The following MET variants were observed in gnomAD, a reference collection of about 807,000 sequenced individuals.
MET encodes MET proto-oncogene, receptor tyrosine kinase.
In MET, 48 loss-of-function variants were observed where a neutral mutation model predicts 133.1. The observed-to-expected ratio is 0.36, with a 90% CI of 0.29 to 0.46. MET has a LOEUF of 0.46. Among genes scored for constraint, MET ranks in the 20% least tolerant of loss-of-function variants. The pLI is 1.00. For synonymous variants in MET, 628 were observed against 616.5 expected (o/e 1.02, Z -0.28); for missense variants, 1,442 against 1,695.9 (o/e 0.85, Z 2.63).
intron 2 of MET, among the ~76,000 whole-genome samples, chr7:116,728,797 A>G (rs543863288): frequency 6.6e-6 from 1 of 152,216 alleles, no homozygotes. Flanking sequence ...TTTGTGGTCA[A>G]AGACTCTCAT....
At chr7:116,684,534 A>G (rs147797443) in intron 1 of MET, among the ~76,000 whole-genome samples, 19 of 152,324 alleles carry the variant, frequency 1.2e-4, no homozygotes, top group African/African-American at 4.3e-4. Context: ...AAGGTAAGAG[A>G]TGCATCAGAG....
intron 10 of MET, among the ~76,000 whole-genome samples, chr7:116,761,182 G>A (rs1035269753): frequency 1.3e-5 from 2 of 152,112 alleles, no homozygotes; most frequent in Non-Finnish European, 2.9e-5. Context: ...TGTCACACAT[G>A]AGAGTTACAT....
intron 1 of MET, among the ~76,000 whole-genome samples, chr7:116,692,056 A>C (rs1024130218): frequency 6.6e-6 from 1 of 152,228 alleles, no homozygotes; most frequent in Non-Finnish European, 1.5e-5. Flanking sequence ...AATCTTTTCC[A>C]GGAAATGCAA....
At chr7:116,716,764 G>A (rs2116688983) in intron 2 of MET, among the ~76,000 whole-genome samples, 1 of 152,324 alleles carries the variant, frequency 6.6e-6, no homozygotes, top group South Asian at 2.1e-4. Context: ...TGTAGAGTTA[G>A]GTCATCACCA....
rs553692920 is a variant in MET, at chr7:116,713,948, T to C, written c.1200+13664T>C. ...TGTTTTATTTGTTAGTGCAGGGTAA[T>C]TGGTGTTGTGTCTTCTGAAAATCTC... On this transcript the variant is annotated intron_variant, in intron 2 of 20. Coordinates refer to ENST00000397752, the MANE Select transcript of MET (RefSeq NM_000245.4). Among the ~76,000 whole-genome samples, 41 of 152,292 alleles carry C rather than the reference T, an allele frequency of 2.7e-4. 1 individual carries two copies. The highest frequency in any genetic ancestry group is 9.9e-4 in the African/African-American group (41 of 41,576).
At chr7:116,696,441 TTCA>T (rs1303531946) in intron 1 of MET, among the ~76,000 whole-genome samples, 1 of 152,222 alleles carries the variant, frequency 6.6e-6, no homozygotes, top group East Asian at 1.9e-4. Context: ...ATTCTACTTC[TTCA>T]TCACCCATTC....
At position 116,759,529 on chromosome 7, in the gene MET, A is replaced by G. The variant is rs553278249; in HGVS notation, c.2364+39A>G. 2.1e-5 allele frequency: 33 copies of G among 1,598,894 alleles called. 1 individual carries two copies. In the South Asian group the frequency reaches 2.9e-4, roughly 14 times the overall value. Reference sequence around the variant, plus strand: ...GCAATGGTTCTACTCAGAGCTCTGCATCTTTGCCTCTAACCATGTGGCTTT... The same window carrying G: ...GCAATGGTTCTACTCAGAGCTCTGCGTCTTTGCCTCTAACCATGTGGCTTT... On this transcript the variant is annotated intron_variant, in intron 10 of 20. Coordinates refer to ENST00000397752, the MANE Select transcript of MET (RefSeq NM_000245.4).
chr7:116,749,351 C>T (rs565604638), intron 5 of MET, among the ~76,000 whole-genome samples: 5 of 152,146 alleles, frequency 3.3e-5, no homozygotes, highest in Non-Finnish European at 7.3e-5. Flanking sequence ...GAACCAATGA[C>T]AAAAACCACA....
At chr7:116,778,655 A>T (rs1240694645) in intron 16 of MET, 121 bp from the exon 17 acceptor site, 1 of 1,067,714 alleles carries the variant, frequency 9.4e-7, no homozygotes, top group Admixed American at 2.0e-5. Flanking sequence ...TCTGCAGTCA[A>T]ACCCTCAGGA....
intron 2 of MET, among the ~76,000 whole-genome samples, chr7:116,703,304 C>T (rs1037256692): frequency 6.6e-6 from 1 of 152,080 alleles, no homozygotes; most frequent in African/African-American, 2.4e-5. Flanking sequence ...TTTACAGTGA[C>T]TTCCAATATT....
intron 6 of MET, among the ~76,000 whole-genome samples, chr7:116,756,526 A>G (rs1436605019): frequency 2.6e-5 from 4 of 152,202 alleles, no homozygotes; most frequent in African/African-American, 4.8e-5. Flanking sequence ...ACTCTTAATC[A>G]TTGCATATAA....
intron 1 of MET, among the ~76,000 whole-genome samples, chr7:116,695,272 T>G (rs1796922291): frequency 6.6e-6 from 1 of 152,228 alleles, no homozygotes; most frequent in Non-Finnish European, 1.5e-5. Flanking sequence ...GTTTACAGTT[T>G]GTATTTGCCC....
intron 14 of MET, among the ~76,000 whole-genome samples, chr7:116,774,103 T>C (rs1794915665): frequency 6.6e-6 from 1 of 152,132 alleles, no homozygotes; most frequent in Non-Finnish European, 1.5e-5. Flanking sequence ...AAATGCCCTA[T>C]TTGGCATTAA....
At chr7:116,750,715 C>T (rs1428878376) in intron 5 of MET, among the ~76,000 whole-genome samples, 1 of 152,072 alleles carries the variant, frequency 6.6e-6, no homozygotes, top group African/African-American at 2.4e-5. Flanking sequence ...CTACAAGGAA[C>T]TTAAACAAAT....
At chr7:116,686,547 A>G (rs543866349) in intron 1 of MET, among the ~76,000 whole-genome samples, 15 of 152,316 alleles carry the variant, frequency 9.8e-5, no homozygotes, top group African/African-American at 3.4e-4. Context: ...AAGTTCCACA[A>G]GAGCAGGGGT....
At chr7:116,725,397 A>G (rs1461026483) in intron 2 of MET, among the ~76,000 whole-genome samples, 1 of 151,620 alleles carries the variant, frequency 6.6e-6, no homozygotes, top group Non-Finnish European at 1.5e-5. Context: ...AAAATTCTTA[A>G]TAGGTTTTCT....
chr7:116,687,700 T>C (rs1399815677), intron 1 of MET, among the ~76,000 whole-genome samples: 2 of 152,246 alleles, frequency 1.3e-5, no homozygotes, highest in Non-Finnish European at 2.9e-5. Context: ...AGAGTCTACT[T>C]GCAAACATTG....
intron 1 of MET, among the ~76,000 whole-genome samples, chr7:116,688,334 C>T (rs1796650441): frequency 6.6e-6 from 1 of 152,130 alleles, no homozygotes; most frequent in Non-Finnish European, 1.5e-5. Flanking sequence ...ACTGGTAACA[C>T]TGCTACACAG....
intron 2 of MET, among the ~76,000 whole-genome samples, chr7:116,729,562 A>G (rs1402910964): frequency 1.3e-5 from 2 of 152,216 alleles, no homozygotes; most frequent in African/African-American, 2.4e-5. Context: ...ATGGGATGAT[A>G]ATAGAGAATT....
Sources: allele counts gnomAD v4.1 joint callset (sites outside exome capture counted in the v4.1 genomes callset), GRCh38; gene constraint gnomAD v4.1.1; transcripts MANE v1.5; gene names NCBI Gene and HGNC (gene_info 2026-07-23, HGNC 2026-07-21).